Variants in GOLPH3 observed in about 807,000 individuals in gnomAD.
GOLPH3 encodes golgi phosphoprotein 3, also known as coat protein GPP34.
GOLPH3 carries 14 observed loss-of-function variants against 28.5 expected under a neutral mutation model. That is an observed-to-expected ratio of 0.49 (90% CI 0.32 to 0.77). The LOEUF is 0.77. Ranked by LOEUF, GOLPH3 falls within the 30% of genes least tolerant of loss-of-function variation. GOLPH3 has a pLI of 0.03. For synonymous variants in GOLPH3, 158 were observed against 159.2 expected (o/e 0.99, Z 0.06); for missense variants, 350 against 393.7 (o/e 0.89, Z 0.94).
intron 1 of GOLPH3, among the ~76,000 whole-genome samples, chr5:32,168,186 T>C (rs995021954): frequency 2.0e-5 from 3 of 152,218 alleles, no homozygotes; most frequent in Admixed American, 6.5e-5. Flanking sequence ...AAATTCTGAA[T>C]ACTTGTTGAC....
chr5:32,171,432 G>A (rs1443870006), intron 1 of GOLPH3, among the ~76,000 whole-genome samples: 1 of 151,700 alleles, frequency 6.6e-6, no homozygotes, highest in African/African-American at 2.4e-5. Context: ...AAACAAATAG[G>A]TATTTCCTCA....
At position 32,126,534 on chromosome 5, in the gene GOLPH3, T is replaced by G; in HGVS notation, c.575A>C (p.Gln192Pro). Residue 192 changes from glutamine (Q) to proline (P), a missense_variant, in exon 4 of 4, where the codon CAG becomes CCG. Transcript: ENST00000265070. ...TGTCATGTCAAAAAGTAGGAAGTTC[T>G]GTTTCTCTGTTGTCAATACACCCTT... is the stretch of plus-strand genomic sequence containing the variant. Reference protein sequence around the residue: ...VEKGVLTTEKQNFLLFDMTTH... With the variant: ...VEKGVLTTEKPNFLLFDMTTH... 1.9e-6 allele frequency: 3 copies of G among 1,614,186 alleles called. No homozygotes were observed. Among genetic ancestry groups the G allele is most frequent in the Non-Finnish European group, 2.5e-6 (3 of 1,180,034 alleles).
chr5:32,160,998 C>T (rs762056617), intron 1 of GOLPH3, among the ~76,000 whole-genome samples: 2 of 128,736 alleles, frequency 1.6e-5, no homozygotes, highest in Non-Finnish European at 3.1e-5. Flanking sequence ...ACCTGGGAGG[C>T]GGAGCCTGCA....
intron 1 of GOLPH3, among the ~76,000 whole-genome samples, chr5:32,147,331 T>C (rs538265740): frequency 1.3e-5 from 2 of 152,188 alleles, no homozygotes; most frequent in South Asian, 4.1e-4. Context: ...TACAATTCTA[T>C]GAAAATCAGT....
intron 2 of GOLPH3, among the ~76,000 whole-genome samples, chr5:32,141,649 C>T (rs1438316875): frequency 6.6e-6 from 1 of 152,208 alleles, no homozygotes; most frequent in Non-Finnish European, 1.5e-5. Flanking sequence ...CCTCTGATGC[C>T]GAGCCAAAGC....
intron 1 of GOLPH3, among the ~76,000 whole-genome samples, chr5:32,169,632 C>G (rs1245926343): frequency 6.6e-6 from 1 of 152,086 alleles, no homozygotes; most frequent in Non-Finnish European, 1.5e-5. Flanking sequence ...TGTGGTAATT[C>G]TCAATAAAGC....
Position 32,125,794 on chromosome 5 carries a change from T to C in GOLPH3, c.*418A>G, listed in dbSNP as rs1745663017. On this transcript the variant is annotated 3_prime_UTR_variant, in exon 4 of 4. Transcript: ENST00000265070. ...GTCCTAATAGATACAGATATTTACC[T>C]TTGGTGAGTTGAAGGCCTTTTTGTG... 1 of 162,292 alleles carries C rather than the reference T, an allele frequency of 6.2e-6. No homozygotes were observed. The highest frequency in any genetic ancestry group is 2.4e-5 in the African/African-American group (1 of 41,710). The allele number at this position is 162,292 out of a possible 1,614,324, so 10.1% of individuals were successfully genotyped here.
At position 32,161,761 on chromosome 5, in the gene GOLPH3, C is replaced by G. The variant is rs931038123; in HGVS notation, c.225+12049G>C. On this transcript the variant is annotated intron_variant, in intron 1 of 3. Coordinates refer to ENST00000265070, the MANE Select transcript of GOLPH3 (RefSeq NM_022130.4). Reference sequence around the variant, plus strand: ...TCAGAAGTCGGGCCAGGCACGGTGGCTCACGCCTGTAATCCCAGCACTTTG... The same window carrying G: ...TCAGAAGTCGGGCCAGGCACGGTGGGTCACGCCTGTAATCCCAGCACTTTG... Among the ~76,000 whole-genome samples, 16 of 151,186 alleles carry G rather than the reference C, an allele frequency of 1.1e-4. 1 individual carries two copies. The highest frequency in any genetic ancestry group is 3.7e-4 in the African/African-American group (15 of 40,526).
At position 32,143,889 on chromosome 5, in the gene GOLPH3, A is replaced by C. The variant is rs1292600080; in HGVS notation, c.226-9T>G. 6 of 1,500,744 alleles carry C rather than the reference A, an allele frequency of 4.0e-6. No individual in the cohort carries two copies. Among genetic ancestry groups the C allele is most frequent in the African/African-American group, 1.4e-5 (1 of 69,160 alleles). The allele number at this position is 1,500,744 out of a possible 1,614,324, so 93.0% of individuals were successfully genotyped here. ...CAAAATGATGTGTAACCCTATTAAAAAAAGAAGAAGAAATAAAACAAAATA... is the reference window on the plus strand; with the variant it reads ...CAAAATGATGTGTAACCCTATTAAACAAAGAAGAAGAAATAAAACAAAATA... On this transcript the variant is annotated splice_polypyrimidine_tract_variant and intron_variant, in intron 1 of 3. Transcript: ENST00000265070.
intron 1 of GOLPH3, among the ~76,000 whole-genome samples, chr5:32,148,992 A>G (rs893590031): frequency 8.5e-5 from 13 of 152,172 alleles, no homozygotes; most frequent in Non-Finnish European, 8.8e-5. Flanking sequence ...AAAGAAAAAA[A>G]GAAAGGTGAT....
At chr5:32,164,100 G>T (rs779479617) in intron 1 of GOLPH3, among the ~76,000 whole-genome samples, 5 of 152,032 alleles carry the variant, frequency 3.3e-5, no homozygotes, top group African/African-American at 4.8e-5. Flanking sequence ...GTTCCTACAC[G>T]CAGTTCAGTA....
At chr5:32,161,427 A>T (rs1320752103) in intron 1 of GOLPH3, among the ~76,000 whole-genome samples, 6 of 137,112 alleles carry the variant, frequency 4.4e-5, no homozygotes, top group Admixed American at 4.4e-4. Context: ...AAAGCTGAGG[A>T]AAAAAAAAAA....
rs148165299 is a variant in GOLPH3, at chr5:32,165,499, C to T, written c.225+8311G>A. ...TCAGAAGGTTGAGGCAGGAGAATCG[C>T]TTGAACCCAGGAGGCAGAGGTTGAA... On this transcript the variant is annotated intron_variant, in intron 1 of 3. Transcript: ENST00000265070. Among the ~76,000 whole-genome samples the T allele has an allele frequency of 3.6e-3, 552 of 152,214 alleles. 1 individual carries two copies. The highest frequency in any genetic ancestry group is 0.013 in the African/African-American group (520 of 41,528).
intron 1 of GOLPH3, among the ~76,000 whole-genome samples, chr5:32,154,772 A>C (rs1746379559): frequency 6.6e-6 from 1 of 152,190 alleles, no homozygotes; most frequent in Non-Finnish European, 1.5e-5. Context: ...ATGAACATGA[A>C]AACACATAGG....
intron 2 of GOLPH3, among the ~76,000 whole-genome samples, chr5:32,138,306 GTATC>G (rs1375371506): frequency 6.6e-6 from 1 of 152,034 alleles, no homozygotes; most frequent in Non-Finnish European, 1.5e-5. Flanking sequence ...TATACATACA[GTATC>G]TATCTCTGTG....
chr5:32,126,409 T>A lies in GOLPH3; in HGVS notation c.700A>T (p.Arg234Trp), dbSNP rs906579264. ...KWVNDPHRMD[R>W]RLLALIYLAH... ...AGGTAAATGAGGGCCAGCAAGCGCC[T>A]GTCCATGCGGTGAGGGTCATTCACC... is the stretch of plus-strand genomic sequence containing the variant. The change falls in exon 4 of 4, where the codon AGG (arginine) becomes TGG (tryptophan). Residue 234 changes from arginine to tryptophan, a missense_variant. By Grantham distance (101) the Arg-to-Trp change is moderately radical. Transcript: ENST00000265070. 1.2e-6 allele frequency: 2 copies of A among 1,614,060 alleles called. No homozygotes were observed. The highest frequency in any genetic ancestry group is 2.7e-5 in the African/African-American group (2 of 74,924).
chr5:32,133,477 G>A (rs539304907), intron 3 of GOLPH3, among the ~76,000 whole-genome samples: 2 of 152,266 alleles, frequency 1.3e-5, no homozygotes, highest in Admixed American at 6.5e-5. Context: ...AGCAGTCATG[G>A]GCCAACACTG....
intron 3 of GOLPH3, among the ~76,000 whole-genome samples, chr5:32,132,503 T>C (rs973501995): frequency 1.3e-5 from 2 of 152,200 alleles, no homozygotes; most frequent in African/African-American, 4.8e-5. Flanking sequence ...TACTGAACTT[T>C]CAGAGAACCA....
At chr5:32,142,788 C>T (rs1215252276) in intron 2 of GOLPH3, among the ~76,000 whole-genome samples, 3 of 148,348 alleles carry the variant, frequency 2.0e-5, no homozygotes, top group African/African-American at 7.6e-5. Context: ...AGTGAGGAGC[C>T]CCTCTGTCCG....
Sources: gnomAD v4.1 joint callset for allele counts (sites outside exome capture counted in the v4.1 genomes callset) on GRCh38, gnomAD v4.1.1 for gene constraint, MANE v1.5 for transcripts, NCBI Gene and HGNC (gene_info 2026-07-23, HGNC 2026-07-21) for gene names.